The following TACR1 variants were observed in gnomAD, a reference collection of about 807,000 sequenced individuals.
TACR1 encodes the protein tachykinin receptor 1.
Under a neutral mutation model 35.8 loss-of-function variants are expected in TACR1, and 25 were observed. The observed-to-expected ratio is 0.70, with a 90% CI of 0.51 to 0.98. TACR1 has a LOEUF of 0.98. Among genes scored for constraint, TACR1 ranks in the 50% least tolerant of loss-of-function variants. TACR1 has a pLI of 0.00. For missense variants in TACR1, 478 were observed against 522.9 expected, an observed-to-expected ratio of 0.91 and a Z score of 0.84; for synonymous variants, 195 against 206.7, an observed-to-expected ratio of 0.94 and a Z score of 0.48.
At chr2:75,100,166 G>A (rs776527877) in intron 2 of TACR1, among the ~76,000 whole-genome samples, 1 of 152,076 alleles carries the variant, frequency 6.6e-6, no homozygotes, top group African/African-American at 2.4e-5. Flanking sequence ...TAATGAGTGA[G>A]CTCCAAAGAC....
At chr2:75,111,083 C>T (rs976534033) in intron 2 of TACR1, among the ~76,000 whole-genome samples, 1 of 151,852 alleles carries the variant, frequency 6.6e-6, no homozygotes, top group Non-Finnish European at 1.5e-5. Flanking sequence ...AAGTTGCAGT[C>T]CTCTATGTTA....
intron 2 of TACR1, among the ~76,000 whole-genome samples, chr2:75,065,965 C>G (rs1317191628): frequency 6.6e-6 from 1 of 152,162 alleles, no homozygotes; most frequent in Non-Finnish European, 1.5e-5. Flanking sequence ...ATGCTAAGTG[C>G]CCATTCTCTT....
At chr2:75,085,450 G>A (rs930496604) in intron 2 of TACR1, among the ~76,000 whole-genome samples, 4 of 152,134 alleles carry the variant, frequency 2.6e-5, no homozygotes, top group Admixed American at 2.0e-4. Context: ...AAACCCATTG[G>A]TCCTAGCGCA....
intron 1 of TACR1, among the ~76,000 whole-genome samples, chr2:75,192,316 T>C (rs542394926): frequency 6.6e-6 from 1 of 152,278 alleles, no homozygotes; most frequent in Non-Finnish European, 1.5e-5. Context: ...TCCTTATACT[T>C]ACTGGAAAGC....
intron 2 of TACR1, among the ~76,000 whole-genome samples, chr2:75,089,245 C>T (rs535242959): frequency 6.6e-6 from 1 of 152,200 alleles, no homozygotes; most frequent in Non-Finnish European, 1.5e-5. Flanking sequence ...TGAGAACTTT[C>T]TTTCATTGGT....
intron 1 of TACR1, among the ~76,000 whole-genome samples, chr2:75,180,683 C>G (rs995567177): frequency 6.6e-6 from 1 of 152,164 alleles, no homozygotes; most frequent in Non-Finnish European, 1.5e-5. Flanking sequence ...CTCCAGGGCC[C>G]AGATTATATC....
rs144760773 is a variant in TACR1 at position 75,108,236 on chromosome 2, TATTA to T, written c.584+12334_584+12337del. ...GACAGCACACAGAAAACCAAACAAA[TATTA>T]CTTTTTGATATTGATATAAAAATCC... On this transcript the variant is annotated intron_variant, in intron 2 of 4. Coordinates refer to ENST00000305249, the MANE Select transcript of TACR1 (RefSeq NM_001058.4). Among the ~76,000 whole-genome samples, 1,468 of 152,144 alleles carry T rather than the reference TATTA, an allele frequency of 9.6e-3. 30 individuals are homozygous for T. The highest frequency in any genetic ancestry group is 0.034 in the African/African-American group (1,401 of 41,530).
At position 75,138,544 on chromosome 2, in the gene TACR1, C is replaced by T. The variant is rs368765464; in HGVS notation, c.390-17776G>A. ...ACTCGAAACTGAGGAAATGTTTGAACAGGCCCATCCAGGTGGGAGTGTCAC... is the reference window on the plus strand; with the variant it reads ...ACTCGAAACTGAGGAAATGTTTGAATAGGCCCATCCAGGTGGGAGTGTCAC... On this transcript the variant is annotated intron_variant, in intron 1 of 4. Coordinates refer to ENST00000305249, the MANE Select transcript of TACR1 (RefSeq NM_001058.4). 1.4e-4 allele frequency among the ~76,000 whole-genome samples: 21 copies of T among 152,260 alleles called. 1 individual carries two copies. Among genetic ancestry groups the T allele is most frequent in the African/African-American group, 4.3e-4 (18 of 41,542 alleles).
At chr2:75,162,286 T>C (rs756504952) in intron 1 of TACR1, among the ~76,000 whole-genome samples, 3 of 152,194 alleles carry the variant, frequency 2.0e-5, no homozygotes, top group Non-Finnish European at 4.4e-5. Flanking sequence ...AAAGGCATCC[T>C]AAAGTATTGC....
At chr2:75,075,880 CA>C (rs1468852821) in intron 2 of TACR1, among the ~76,000 whole-genome samples, 1 of 152,092 alleles carries the variant, frequency 6.6e-6, no homozygotes, top group Non-Finnish European at 1.5e-5. Flanking sequence ...TCTTAATGTC[CA>C]ACATTAGGAA....
chr2:75,090,921 T>G (rs1314659323), intron 2 of TACR1: 2 of 153,306 alleles, frequency 1.3e-5, no homozygotes, highest in Non-Finnish European at 2.9e-5. Flanking sequence ...GCTTCTGTTA[T>G]CTCTCAGACT....
intron 1 of TACR1, among the ~76,000 whole-genome samples, chr2:75,191,250 T>A (rs1675839259): frequency 1.3e-5 from 2 of 152,178 alleles, no homozygotes; most frequent in South Asian, 4.1e-4. Flanking sequence ...ATCGTATTTT[T>A]ATATGGTGTG....
intron 1 of TACR1, among the ~76,000 whole-genome samples, chr2:75,145,459 T>C (rs1268398132): frequency 6.6e-6 from 1 of 152,156 alleles, no homozygotes; most frequent in Admixed American, 6.5e-5. Context: ...TTGTAGATGA[T>C]AGCTTATCTA....
rs1460165420 is a variant in TACR1, at chr2:75,053,670, A to G, written c.670T>C (p.Trp224Arg). Residue 224 changes from tryptophan (W) to arginine (R), a missense_variant, in exon 3 of 5, where the codon TGG (tryptophan) becomes CGG (arginine). By Grantham distance (101) the Trp-to-Arg change is moderately radical. Transcript: ENST00000305249. ...GAGTCCCCGGGGATCTCACTGGCCC[A>G]TAGTGTGATTCCCACTACGGTGTAT... ...YAYTVVGITL[W>R]ASEIPGDSSD... is the part of the protein sequence containing the mutation. 7 of 1,611,838 alleles carry G rather than the reference A, an allele frequency of 4.3e-6. No homozygotes were observed. In the South Asian group the frequency reaches 5.5e-5, roughly 13 times the overall value.
chr2:75,055,454 CAT>C (rs1009191927), intron 2 of TACR1, among the ~76,000 whole-genome samples: 4 of 152,296 alleles, frequency 2.6e-5, no homozygotes, highest in African/African-American at 7.2e-5. Context: ...GCAGGGACAG[CAT>C]ATTGTGTTTC....
intron 1 of TACR1, among the ~76,000 whole-genome samples, chr2:75,142,477 T>TG (rs1174032088): frequency 6.6e-6 from 1 of 152,190 alleles, no homozygotes; most frequent in Non-Finnish European, 1.5e-5. Flanking sequence ...AAATCAAATG[T>TG]GGTGGGTAAA....
chr2:75,118,129 G>C (rs946997537), intron 2 of TACR1, among the ~76,000 whole-genome samples: 26 of 152,306 alleles, frequency 1.7e-4, no homozygotes, highest in African/African-American at 6.0e-4. Flanking sequence ...GTTGTGTACT[G>C]TGAAAGTGGC....
chr2:75,119,604 G>A (rs1485380149), intron 2 of TACR1, among the ~76,000 whole-genome samples: 1 of 152,172 alleles, frequency 6.6e-6, no homozygotes, highest in African/African-American at 2.4e-5. Context: ...TCAAGGATAA[G>A]AAGTCTTGGA....
Position 75,049,605 on chromosome 2 carries a change from C to G in TACR1, c.1051G>C (p.Val351Leu). ...GAGATGGTGGTCTCCAGGCGGCTGA[C>G]TTTGTACACACTGCCCTGGGTCTGG... Reference protein sequence around the residue: ...YLQTQGSVYKVSRLETTISTV... With the variant: ...YLQTQGSVYKLSRLETTISTV... The change falls in exon 5 of 5, where the codon GTC becomes CTC. Residue 351 changes from valine to leucine, a missense_variant. Physicochemically the swap from Val to Leu is conservative, Grantham distance 32. Transcript: ENST00000305249. 1 of 1,614,158 alleles carries G rather than the reference C, an allele frequency of 6.2e-7. No homozygotes were observed.
Sources: allele counts gnomAD v4.1 joint callset (sites outside exome capture counted in the v4.1 genomes callset), GRCh38; gene constraint gnomAD v4.1.1; transcripts MANE v1.5; gene names NCBI Gene and HGNC (gene_info 2026-07-23, HGNC 2026-07-21).